Variants in ZNF831 observed in about 807,000 individuals in gnomAD.
The protein encoded by ZNF831 is zinc finger protein 831.
ZNF831 carries 59 observed loss-of-function variants against 95.8 expected under a neutral mutation model. The observed-to-expected ratio is 0.62, with a 90% CI of 0.50 to 0.77. ZNF831 has a LOEUF of 0.77. Ranked by LOEUF, ZNF831 falls within the 30% of genes least tolerant of loss-of-function variation. The pLI, the probability that ZNF831 is intolerant of heterozygous loss-of-function variation, is 0.00. For missense variants in ZNF831, 2,205 were observed against 2,164.0 expected (o/e 1.02, Z -0.38); for synonymous variants, 961 against 925.5 (o/e 1.04, Z -0.70).
chr20:59,246,885 A>T (rs1222516140), intron 4 of ZNF831, among the ~76,000 whole-genome samples: 1 of 152,194 alleles, frequency 6.6e-6, no homozygotes, highest in South Asian at 2.1e-4. Flanking sequence ...GTGCAGCTGA[A>T]GTCGGAGCTG....
rs1172583453 is a variant in ZNF831 at position 59,241,483 on chromosome 20, C to T, written c.4028-11495C>T. On this transcript the variant is annotated intron_variant, in intron 4 of 5. Transcript: ENST00000371030. ...AAAGTATTTCGGTGACCCCACAGTC[C>T]ACCCGGTTGAGCTGCTTTTATTACA... is the stretch of plus-strand genomic sequence containing the variant. Among the ~76,000 whole-genome samples, 13 of 152,110 alleles carry T rather than the reference C, an allele frequency of 8.5e-5. No homozygotes were observed. The South Asian group carries it at 1.0e-3, about 12-fold the overall frequency.
chr20:59,247,572 C>A (rs1024691748), intron 4 of ZNF831, among the ~76,000 whole-genome samples: 4 of 152,180 alleles, frequency 2.6e-5, no homozygotes, highest in Non-Finnish European at 5.9e-5. Context: ...ATCTGCCCAG[C>A]TTTCTATAAG....
intron 3 of ZNF831, among the ~76,000 whole-genome samples, chr20:59,197,257 A>G (rs1045191784): frequency 6.6e-6 from 1 of 152,144 alleles, no homozygotes; most frequent in African/African-American, 2.4e-5. Flanking sequence ...AGCTAACATT[A>G]TGGGGCACTT....
At chr20:59,171,391 A>G (rs1981723079) in intron 1 of ZNF831, among the ~76,000 whole-genome samples, 1 of 152,238 alleles carries the variant, frequency 6.6e-6, no homozygotes, top group Non-Finnish European at 1.5e-5. Context: ...TCTATCTGGC[A>G]CAGTCTATCC....
At chr20:59,222,310 C>G (rs1455393019) in intron 4 of ZNF831, among the ~76,000 whole-genome samples, 1 of 152,056 alleles carries the variant, frequency 6.6e-6, no homozygotes, top group African/African-American at 2.4e-5. Flanking sequence ...TGGGTGCGGA[C>G]CCCTGGCTGG....
intron 1 of ZNF831, among the ~76,000 whole-genome samples, chr20:59,125,244 C>T (rs1401749119): frequency 2.6e-5 from 4 of 152,186 alleles, no homozygotes; most frequent in African/African-American, 7.2e-5. Context: ...GTGGCTCTTG[C>T]GCACTCGCCA....
At chr20:59,129,397 C>T (rs969877929) in intron 1 of ZNF831, among the ~76,000 whole-genome samples, 3 of 152,024 alleles carry the variant, frequency 2.0e-5, no homozygotes, top group Admixed American at 1.3e-4. Flanking sequence ...GAGGCTGAGG[C>T]GGGTGGATCA....
At chr20:59,166,663 A>G (rs1211999894) in intron 1 of ZNF831, among the ~76,000 whole-genome samples, 1 of 152,166 alleles carries the variant, frequency 6.6e-6, no homozygotes, top group East Asian at 1.9e-4. Context: ...TGTTATATGA[A>G]TGGAATCATT....
At position 59,192,178 on chromosome 20, in the gene ZNF831, G is replaced by A. The variant is rs2146561148; in HGVS notation, c.1159G>A (p.Gly387Arg). The change falls in exon 2 of 6, where the codon GGG (glycine) becomes AGG (arginine). Residue 387 changes from glycine (G) to arginine (R), a missense_variant. Gly to Arg is a moderately radical substitution (Grantham distance 125, BLOSUM62 -2). Coordinates refer to ENST00000371030, the MANE Select transcript of ZNF831 (RefSeq NM_178457.3). This position sits in a 1 kb window ranked among gnomAD's most constrained non-coding sequence, Gnocchi z 5.2. ...CCCGGGCCCGGGGCCAGGGGTCGCA[G>A]GGGCCGAGCCCGGGGCGCGAGAAGC... ...GGPGPGPGVA[G>R]AEPGAREAGL... The A allele has an allele frequency of 6.4e-7, 1 of 1,565,628 alleles. No individual in the cohort carries two copies. The highest frequency in any genetic ancestry group is 1.2e-5 in the South Asian group (1 of 85,552).
chr20:59,190,853 A>T, intron 1 of ZNF831, 131 bp from the exon 2 acceptor site: 1 of 723,864 alleles, frequency 1.4e-6, no homozygotes, highest in South Asian at 5.0e-5. Flanking sequence ...CTCGCTTGGG[A>T]TGAGAGTACA....
In ZNF831 at chr20:59,192,203, C is replaced by T. The variant is rs1983623850; in HGVS notation, c.1184C>T (p.Ala395Val). The change falls in exon 2 of 6, where the codon GCC becomes GTC. Residue 395 changes from alanine to valine, a missense_variant. Physicochemically the swap from Ala to Val is moderately conservative, Grantham distance 64. Coordinates refer to ENST00000371030, the MANE Select transcript of ZNF831 (RefSeq NM_178457.3). This position sits in a 1 kb window ranked among gnomAD's most constrained non-coding sequence, Gnocchi z 5.2. ...GGGGCCGAGCCCGGGGCGCGAGAAG[C>T]CGGCCTGGAGCTGGAGAAGAAGCGG... ...VAGAEPGARE[A>V]GLELEKKRLE... 1.3e-6 allele frequency: 2 copies of T among 1,579,154 alleles called. No homozygotes were observed. The highest frequency in any genetic ancestry group is 8.6e-7 in the Non-Finnish European group (1 of 1,164,078).
intron 1 of ZNF831, among the ~76,000 whole-genome samples, chr20:59,133,654 C>T (rs1979414225): frequency 6.6e-6 from 1 of 152,106 alleles, no homozygotes; most frequent in South Asian, 2.1e-4. Flanking sequence ...CAGATAAAGG[C>T]TGGTTGACCA....
intron 4 of ZNF831, among the ~76,000 whole-genome samples, chr20:59,213,579 C>T (rs898719753): frequency 1.3e-5 from 2 of 152,294 alleles, no homozygotes; most frequent in South Asian, 4.2e-4. Context: ...AACAATTTAA[C>T]AAACATAAGT....
chr20:59,172,335 T>C (rs918183032), intron 1 of ZNF831, among the ~76,000 whole-genome samples: 1 of 152,216 alleles, frequency 6.6e-6, no homozygotes. Context: ...TGATGCCACT[T>C]GGTCCTCTGC....
At position 59,255,010 on chromosome 20, in the gene ZNF831, G is replaced by A. The variant is rs73916204; in HGVS notation, c.*267G>A. Reference sequence around the variant, plus strand: ...GGCAAGGAAGCAAACTCTGCAAATGGTCAACGTGCACAGTGACTGGGCCTT... The same window carrying A: ...GGCAAGGAAGCAAACTCTGCAAATGATCAACGTGCACAGTGACTGGGCCTT... On this transcript the variant is annotated 3_prime_UTR_variant, in exon 6 of 6. Transcript: ENST00000371030. 1,062 of 378,350 alleles carry A rather than the reference G, an allele frequency of 2.8e-3. 12 individuals are homozygous for A. The highest frequency in any genetic ancestry group is 0.024 in the Middle Eastern group (32 of 1,334). 23.4% of individuals were successfully genotyped at this position (378,350 alleles called of 1,614,324 possible). A position where few individuals can be genotyped will look rare whatever the true frequency, so the allele number is the denominator to read the frequency against.
At chr20:59,197,898 G>A (rs972731264) in intron 3 of ZNF831, among the ~76,000 whole-genome samples, 1 of 152,158 alleles carries the variant, frequency 6.6e-6, no homozygotes, top group African/African-American at 2.4e-5. Flanking sequence ...AGTGGTTGTG[G>A]TCCTCCTCAG....
intron 1 of ZNF831, among the ~76,000 whole-genome samples, chr20:59,138,580 C>G (rs1339680434): frequency 1.3e-5 from 2 of 152,188 alleles, no homozygotes; most frequent in Non-Finnish European, 2.9e-5. Flanking sequence ...AGATTATGCT[C>G]CATTCCCACA....
chr20:59,216,479 G>A lies in ZNF831; in HGVS notation c.4027+9423G>A, dbSNP rs148385176. Among the ~76,000 whole-genome samples, 901 of 152,286 alleles carry A rather than the reference G, an allele frequency of 5.9e-3. 7 individuals are homozygous for A. The highest frequency in any genetic ancestry group is 0.02 in the African/African-American group (845 of 41,538). ...GTCGCCCAGGCTGGAGTGCAGTGGC[G>A]TGATCTCGGCTCACTGCAACCTCTG... On this transcript the variant is annotated intron_variant, in intron 4 of 5. Coordinates refer to ENST00000371030, the MANE Select transcript of ZNF831 (RefSeq NM_178457.3).
intron 4 of ZNF831, among the ~76,000 whole-genome samples, chr20:59,227,073 A>C (rs750424689): frequency 1.3e-5 from 2 of 152,178 alleles, no homozygotes; most frequent in Non-Finnish European, 2.9e-5. Flanking sequence ...GCTCGCTTAT[A>C]ATTGTATCCC....
Sources: allele counts gnomAD v4.1 joint callset (sites outside exome capture counted in the v4.1 genomes callset), GRCh38; gene constraint gnomAD v4.1.1; non-coding constraint Gnocchi (gnomAD v3.1); transcripts MANE v1.5; gene names NCBI Gene and HGNC (gene_info 2026-07-23, HGNC 2026-07-21).